The following RGS3 variants were observed in gnomAD, a reference collection of about 807,000 sequenced individuals.
The protein encoded by RGS3 is regulator of G-protein signalling 3.
A neutral mutation model predicts 132.6 loss-of-function variants in RGS3; 80 were observed. The observed-to-expected ratio is 0.60, with a 90% CI of 0.50 to 0.73. The LOEUF (loss-of-function observed/expected upper bound fraction) is 0.73, where lower values mean the gene tolerates loss of function less well. Among genes scored for constraint, RGS3 ranks in the 30% least tolerant of loss-of-function variants. The pLI, the probability that RGS3 is intolerant of heterozygous loss-of-function variation, is 0.00. For missense variants in RGS3, 1,382 were observed against 1,530.8 expected, an observed-to-expected ratio of 0.90 and a Z score of 1.62; for synonymous variants, 598 against 620.6, an observed-to-expected ratio of 0.96 and a Z score of 0.54.
intron 10 of RGS3, among the ~76,000 whole-genome samples, chr9:113,499,320 C>G (rs1051465082): frequency 1.3e-5 from 2 of 152,008 alleles, no homozygotes; most frequent in Non-Finnish European, 2.9e-5. Context: ...ACTGCCCGCT[C>G]TAAGGCAGCT....
chr9:113,523,124 G>T lies in RGS3; in HGVS notation c.1870+83G>T, dbSNP rs527431919. ...CTGGGCAGCCCTCTGGGATCTGGCT[G>T]CCAGTCATCCGTAGGGCACTGGAGT... On this transcript the variant is annotated intron_variant, in intron 17 of 24. Transcript: ENST00000350696. 39 of 899,026 alleles carry T rather than the reference G, an allele frequency of 4.3e-5. No individual in the cohort carries two copies. In the African/African-American group the frequency reaches 5.7e-4, roughly 13 times the overall value. The allele number at this position is 899,026 out of a possible 1,614,324, so 55.7% of individuals were successfully genotyped here.
upstream of RGS3, among the ~76,000 whole-genome samples, chr9:113,455,512 T>C (rs1829346087): frequency 6.6e-6 from 1 of 152,212 alleles, no homozygotes; most frequent in African/African-American, 2.4e-5. Context: ...GCTTTTATCT[T>C]TGGACTCAAC....
intron 16 of RGS3, among the ~76,000 whole-genome samples, chr9:113,520,177 G>A (rs958693605): frequency 1.3e-5 from 2 of 152,206 alleles, no homozygotes; most frequent in Admixed American, 6.5e-5. Context: ...GAAGACACTG[G>A]GTGACCCCCG....
At chr9:113,596,983 A>G (rs778814370) in exon 25 of RGS3, 23 of 1,562,662 alleles carry the variant, frequency 1.5e-5, no homozygotes, top group Non-Finnish European at 2.0e-5. Context: ...CAGCGTTCAC[A>G]CCAGGCGGGC....
Position 113,537,460 on chromosome 9 carries a change from G to A in RGS3, c.2037+542G>A, listed in dbSNP as rs1049463596. On this transcript the variant is annotated intron_variant, in intron 19 of 24. Coordinates refer to ENST00000350696, the Ensembl canonical transcript of RGS3. The surrounding 1 kb of genome is among the most constrained non-coding windows in gnomAD (Gnocchi z 4.3). ...AGATTAGAGACTCCCAGGGGAGGCT[G>A]TTCTGGGCTGGGCACTGCTCAGCCC... Among the ~76,000 whole-genome samples the A allele has an allele frequency of 2.0e-5, 3 of 152,184 alleles. No homozygotes were observed. Among genetic ancestry groups the A allele is most frequent in the African/African-American group, 4.8e-5 (2 of 41,438 alleles).
chr9:113,500,360 C>G lies in RGS3; in HGVS notation c.897+2280C>G, dbSNP rs1433104676. Among the ~76,000 whole-genome samples, 5 of 152,218 alleles carry G rather than the reference C, an allele frequency of 3.3e-5. No individual in the cohort carries two copies. In the South Asian group the frequency reaches 1.0e-3, roughly 32 times the overall value. On this transcript the variant is annotated intron_variant, in intron 10 of 24. Coordinates refer to ENST00000350696, the Ensembl canonical transcript of RGS3. The stretch of plus-strand genomic sequence containing the variant: ...CAAAGCTGGGTTGAACCAAGGAACC[C>G]TCTGTCATCAAGGACTTGAGTGTGT...
At chr9:113,497,210 TGTGG>T in intron 8 of RGS3, 100 bp from the exon 7 acceptor site, 1 of 826,750 alleles carries the variant, frequency 1.2e-6, no homozygotes, top group African/African-American at 1.7e-5. Flanking sequence ...CTGTCTCTCC[TGTGG>T]GTGGGTGTCC....
Position 113,584,229 on chromosome 9 carries a change from C to T in RGS3, c.2817C>T (p.Arg939=), listed in dbSNP as rs569472637. The T allele has an allele frequency of 1.0e-4, 166 of 1,613,522 alleles. 3 individuals carry two copies. In the Admixed American group the frequency reaches 2.7e-3, roughly 27 times the overall value. ...TGCGTGTGCAGAACTCGCTGCGGCG[C>T]CGGACGCACAGCGAGGGCAGCCTGC... Residue 939 remains arginine (R), a synonymous_variant, in exon 20 of 25, where the codon CGC becomes CGT. Transcript: ENST00000350696.
chr9:113,574,911 C>G (rs1173107532), intron 19 of RGS3, among the ~76,000 whole-genome samples: 1 of 152,178 alleles, frequency 6.6e-6, no homozygotes, highest in Non-Finnish European at 1.5e-5. Flanking sequence ...AGCTAGGAAC[C>G]CCCCTGCTCT....
chr9:113,469,434 A>C (rs1209421498), intron 3 of RGS3, among the ~76,000 whole-genome samples: 1 of 152,166 alleles, frequency 6.6e-6, no homozygotes, highest in African/African-American at 2.4e-5. Flanking sequence ...ACTGCTCAGG[A>C]GCTTTCAGAA....
Position 113,591,438 on chromosome 9 carries a change from C to T in RGS3, c.3080+41C>T. 1 of 1,574,556 alleles carries T rather than the reference C, an allele frequency of 6.4e-7. No homozygotes were observed. Among genetic ancestry groups the T allele is most frequent in the South Asian group, 1.1e-5 (1 of 90,290 alleles). ...CCCTGGCTTCTGCGCTCCTCTTCCT[C>T]CCTTGCCCCAGGGCTTGTCTCTCCT... On this transcript the variant is annotated intron_variant, in intron 21 of 24. Coordinates refer to ENST00000350696, the Ensembl canonical transcript of RGS3. The surrounding 1 kb of genome is among the most constrained non-coding windows in gnomAD (Gnocchi z 4.4).
intron 19 of RGS3, chr9:113,581,967 A>T: frequency 4.2e-6 from 4 of 953,466 alleles, no homozygotes; most frequent in Non-Finnish European, 5.0e-6. Context: ...TCCCTTGCCC[A>T]GCCACCTTCT....
chr9:113,459,876 TA>T (rs1389939660), upstream of RGS3, among the ~76,000 whole-genome samples: 1 of 151,734 alleles, frequency 6.6e-6, no homozygotes, highest in Non-Finnish European at 1.5e-5. Flanking sequence ...ACCTTTCTAC[TA>T]AAAATACAAA....
intron 19 of RGS3, among the ~76,000 whole-genome samples, chr9:113,540,878 T>C (rs1832874648): frequency 6.6e-6 from 1 of 152,240 alleles, no homozygotes; most frequent in African/African-American, 2.4e-5. Flanking sequence ...AGAGGCTTCT[T>C]GTGAGGATTG....
chr9:113,525,990 G>A (rs1414287361), intron 17 of RGS3, among the ~76,000 whole-genome samples: 1 of 152,204 alleles, frequency 6.6e-6, no homozygotes, highest in Non-Finnish European at 1.5e-5. Flanking sequence ...GGGCTGAATG[G>A]CAGTGTAATG....
At chr9:113,487,623 A>G (rs890891182) in intron 7 of RGS3, among the ~76,000 whole-genome samples, 11 of 152,198 alleles carry the variant, frequency 7.2e-5, no homozygotes, top group African/African-American at 2.7e-4. Context: ...AAAGGACAGA[A>G]GAAAGAGCCA....
chr9:113,512,660 C>T (rs1427107809), intron 14 of RGS3, among the ~76,000 whole-genome samples: 1 of 152,134 alleles, frequency 6.6e-6, no homozygotes, highest in Non-Finnish European at 1.5e-5. Context: ...CACCTGTTCC[C>T]CCCTCGCTGC....
intron 15 of RGS3, 67 bp downstream of exon 13, chr9:113,514,721 A>G (rs1239321632): frequency 1.3e-6 from 2 of 1,514,028 alleles, no homozygotes; most frequent in South Asian, 1.2e-5. Context: ...CCCTTGCCCC[A>G]GGACTCAGGG....
At chr9:113,515,138 G>A (rs1157547325) in intron 15 of RGS3, among the ~76,000 whole-genome samples, 1 of 152,034 alleles carries the variant, frequency 6.6e-6, no homozygotes, top group Admixed American at 6.6e-5. Flanking sequence ...ATTCTCCAAC[G>A]TCAAACAAAG....
Sources: gnomAD v4.1 joint callset for allele counts (sites outside exome capture counted in the v4.1 genomes callset) on GRCh38, gnomAD v4.1.1 for gene constraint, Gnocchi (gnomAD v3.1) non-coding constraint, MANE v1.5 for transcripts, NCBI Gene and HGNC (gene_info 2026-07-23, HGNC 2026-07-21) for gene names.